Variants in DLGAP2 observed in about 807,000 individuals in gnomAD.
The protein encoded by DLGAP2 is disks large-associated protein 2.
Under a neutral mutation model 100.3 loss-of-function variants are expected in DLGAP2, and 26 were observed. The ratio of observed to expected loss-of-function variants is 0.26; its 90% CI spans 0.19 to 0.36. The LOEUF (loss-of-function observed/expected upper bound fraction) is 0.36. Among genes scored for constraint, DLGAP2 ranks in the 10% least tolerant of loss-of-function variants. The probability of loss-of-function intolerance (pLI) is 1.00; values close to 1 mark genes in which losing one functional copy is unlikely to be tolerated. For missense variants in DLGAP2, 1,858 were observed against 1,453.2 expected, an observed-to-expected ratio of 1.28 and a Z score of -4.53; for synonymous variants, 886 against 630.1, an observed-to-expected ratio of 1.41 and a Z score of -6.08.
At chr8:1,427,812 C>A (rs2129963761) in intron 3 of DLGAP2, among the ~76,000 whole-genome samples, 1 of 152,314 alleles carries the variant, frequency 6.6e-6, no homozygotes, top group Middle Eastern at 3.4e-3. Context: ...AAGTCTCTTT[C>A]TTTTGTAAAT....
intron 6 of DLGAP2, among the ~76,000 whole-genome samples, chr8:1,623,157 A>T (rs989411040): frequency 6.6e-6 from 1 of 152,224 alleles, no homozygotes; most frequent in Admixed American, 6.5e-5. Flanking sequence ...GTATCAGAGG[A>T]TGGGATCTTT....
At chr8:1,067,816 G>A (rs2701901) in intron 2 of DLGAP2, among the ~76,000 whole-genome samples, 5 of 150,314 alleles carry the variant, frequency 3.3e-5, no homozygotes, top group African/African-American at 1.2e-4. Context: ...ATCCTCACCC[G>A]GAGTCCGTGG....
intron 1 of DLGAP2, among the ~76,000 whole-genome samples, chr8:851,830 C>T (rs556594414): frequency 6.6e-6 from 1 of 152,076 alleles, no homozygotes; most frequent in Non-Finnish European, 1.5e-5. Flanking sequence ...AGTGACTGTT[C>T]CGTGACTGCT....
chr8:1,027,838 C>T (rs1801852907), intron 2 of DLGAP2, among the ~76,000 whole-genome samples: 1 of 136,378 alleles, frequency 7.3e-6, no homozygotes, highest in African/African-American at 2.8e-5. Context: ...GTGTCAGGCG[C>T]CCGTTATTCT....
intron 3 of DLGAP2, among the ~76,000 whole-genome samples, chr8:1,272,286 G>C (rs1229762998): frequency 1.3e-5 from 2 of 152,170 alleles, no homozygotes; most frequent in African/African-American, 4.8e-5. Flanking sequence ...TTTTATGTGA[G>C]TGAATGTAGA....
intron 3 of DLGAP2, among the ~76,000 whole-genome samples, chr8:1,312,767 G>A (rs1800642790): frequency 6.6e-6 from 1 of 152,180 alleles, no homozygotes; most frequent in Admixed American, 6.5e-5. Context: ...CCATAGAAGT[G>A]CCCATATGCT....
Position 1,218,180 on chromosome 8 carries a change from G to C in DLGAP2, c.74-40671G>C, listed in dbSNP as rs140592689. On this transcript the variant is annotated intron_variant, in intron 2 of 14. Coordinates refer to ENST00000637795, the MANE Select transcript of DLGAP2 (RefSeq NM_001346810.2). ...TGTTTGCCAACACTATGTTCAGAAT[G>C]GTATTTTCTAGGTTCTCTTCCAGAT... is the stretch of plus-strand genomic sequence containing the variant. 6.3e-3 allele frequency among the ~76,000 whole-genome samples: 952 copies of C among 152,256 alleles called. 10 individuals carry two copies. Among genetic ancestry groups the C allele is most frequent in the African/African-American group, 0.021 (885 of 41,544 alleles).
At chr8:1,685,864 A>C (rs565536704) in intron 12 of DLGAP2, among the ~76,000 whole-genome samples, 249 of 152,314 alleles carry the variant, frequency 1.6e-3, no homozygotes, top group Admixed American at 3.5e-3. Flanking sequence ...GCAAATCAAA[A>C]CCACGATGAG....
intron 2 of DLGAP2, among the ~76,000 whole-genome samples, chr8:1,245,915 G>T (rs149664197): frequency 0.014 from 2,185 of 152,276 alleles, 31 homozygotes; most frequent in South Asian, 0.07. Flanking sequence ...TATGACCGCC[G>T]TGGGGAGGAC....
At chr8:791,479 C>T (rs1234358940) in intron 1 of DLGAP2, among the ~76,000 whole-genome samples, 1 of 152,168 alleles carries the variant, frequency 6.6e-6, no homozygotes, top group Non-Finnish European at 1.5e-5. Flanking sequence ...AATTCCTATC[C>T]TCCCCACTTG....
chr8:1,146,602 T>TGTGTGTGCACCTGCGC (rs1796611885), intron 2 of DLGAP2, among the ~76,000 whole-genome samples: 1 of 152,080 alleles, frequency 6.6e-6, no homozygotes, highest in Non-Finnish European at 1.5e-5. Context: ...CACCTGCGCA[T>TGTGTGTGCACCTGCGC]GTGTGTGCAT....
chr8:1,240,726 A>ACATGGTGCCGTGTCTGGTTCTCTCG (rs1798770294), intron 2 of DLGAP2, among the ~76,000 whole-genome samples: 1 of 136,830 alleles, frequency 7.3e-6, no homozygotes, highest in African/African-American at 3.0e-5. Context: ...TAGTTCTCTC[A>ACATGGTGCCGTGTCTGGTTCTCTCG]CATGGCGCCG....
chr8:1,137,239 C>T (rs1383152779), intron 2 of DLGAP2: 1 of 152,336 alleles, frequency 6.6e-6, no homozygotes, highest in East Asian at 1.9e-4. Flanking sequence ...ACAAAGACAC[C>T]AGTCCTATTG....
At chr8:1,651,652 G>T (rs1798167696) in intron 8 of DLGAP2, among the ~76,000 whole-genome samples, 1 of 152,146 alleles carries the variant, frequency 6.6e-6, no homozygotes, top group African/African-American at 2.4e-5. Flanking sequence ...TAAGCCCCTA[G>T]CTCCGTTCTC....
rs185997565 is a variant in DLGAP2, at chr8:1,079,615, C to A, written c.73+171649C>A. ...AATGGTCATGTGTTTATCTTAGGAACATTTATGGACTGTGAACGATGAATA... is the reference window on the plus strand; with the variant it reads ...AATGGTCATGTGTTTATCTTAGGAAAATTTATGGACTGTGAACGATGAATA... On this transcript the variant is annotated intron_variant, in intron 2 of 14. Transcript: ENST00000637795. Among the ~76,000 whole-genome samples, 5 of 152,262 alleles carry A rather than the reference C, an allele frequency of 3.3e-5. No individual in the cohort carries two copies. In the South Asian group the frequency reaches 1.0e-3, roughly 32 times the overall value.
intron 4 of DLGAP2, among the ~76,000 whole-genome samples, chr8:1,506,795 C>T (rs946868208): frequency 2.0e-5 from 3 of 152,188 alleles, no homozygotes; most frequent in African/African-American, 4.8e-5. Context: ...CTGATTGGTG[C>T]ATTTACAATC....
At chr8:1,693,452 G>A (rs1327582162) in intron 13 of DLGAP2, among the ~76,000 whole-genome samples, 1 of 151,996 alleles carries the variant, frequency 6.6e-6, no homozygotes, top group Non-Finnish European at 1.5e-5. Context: ...TAATAGTTAT[G>A]CTACTTAATA....
chr8:985,532 T>C (rs541035294), intron 2 of DLGAP2, among the ~76,000 whole-genome samples: 1 of 152,220 alleles, frequency 6.6e-6, no homozygotes, highest in Admixed American at 6.5e-5. Flanking sequence ...TATATGTGAT[T>C]AATGCAGGTA....
At chr8:1,443,270 T>A (rs935493547) in intron 3 of DLGAP2, among the ~76,000 whole-genome samples, 27 of 151,582 alleles carry the variant, frequency 1.8e-4, no homozygotes, top group African/African-American at 6.4e-4. Flanking sequence ...TGGATGTTAA[T>A]ACTTCCAGCC....
Sources: allele counts gnomAD v4.1 joint callset (sites outside exome capture counted in the v4.1 genomes callset), GRCh38; gene constraint gnomAD v4.1.1; transcripts MANE v1.5; gene names NCBI Gene and HGNC (gene_info 2026-07-23, HGNC 2026-07-21).